TRPM3: variants seen among roughly 807,000 people sequenced by gnomAD.
The protein encoded by TRPM3 is transient receptor potential cation channel subfamily M member 3, also known as long transient receptor potential channel 3.
Under a neutral mutation model 181.2 loss-of-function variants are expected in TRPM3, and 77 were observed. The observed-to-expected ratio is 0.42, with a 90% CI of 0.35 to 0.51. The LOEUF is 0.51. TRPM3 is among the 20% of genes least tolerant of loss of function. TRPM3 has a pLI of 0.01. For synonymous variants in TRPM3, 745 were observed against 796.4 expected, an observed-to-expected ratio of 0.94 and a Z score of 1.09; for missense variants, 1,759 against 2,196.7, an observed-to-expected ratio of 0.80 and a Z score of 3.98.
rs187381279 is a variant in TRPM3 at position 70,798,483 on chromosome 9, C to G, written c.974-14204G>C. Among the ~76,000 whole-genome samples, 198 of 152,240 alleles carry G rather than the reference C, an allele frequency of 1.3e-3. 1 individual carries two copies. The highest frequency in any genetic ancestry group is 4.6e-3 in the African/African-American group (190 of 41,536). ...TATTAATTATTCATTACTTTATGATCCCATTTTTTTAAAAGAATGTCTTTT... is the reference window on the plus strand; with the variant it reads ...TATTAATTATTCATTACTTTATGATGCCATTTTTTTAAAAGAATGTCTTTT... On this transcript the variant is annotated intron_variant, in intron 6 of 25. Transcript: ENST00000677713.
intron 1 of TRPM3, among the ~76,000 whole-genome samples, chr9:71,023,429 T>C (rs1347065893): frequency 6.6e-6 from 1 of 152,188 alleles, no homozygotes; most frequent in Non-Finnish European, 1.5e-5. Flanking sequence ...TTTGTCAATG[T>C]CTCATAGAAC....
intron 1 of TRPM3, among the ~76,000 whole-genome samples, chr9:71,250,136 A>G (rs1205724199): frequency 6.6e-6 from 1 of 152,226 alleles, no homozygotes; most frequent in Non-Finnish European, 1.5e-5. Flanking sequence ...AATTCTACAT[A>G]GGAGGGGAAG....
intron 1 of TRPM3, among the ~76,000 whole-genome samples, chr9:71,279,751 G>C (rs1252050586): frequency 1.3e-5 from 2 of 152,144 alleles, no homozygotes; most frequent in East Asian, 3.9e-4. Flanking sequence ...GCTGACTGAT[G>C]TTTTTTCAAA....
At chr9:70,926,236 A>T (rs1280691697) in intron 1 of TRPM3, among the ~76,000 whole-genome samples, 2 of 152,140 alleles carry the variant, frequency 1.3e-5, no homozygotes, top group African/African-American at 4.8e-5. Flanking sequence ...CTGAGCTTGG[A>T]GGCTTGTGTG....
chr9:70,617,258 C>T (rs567746454), intron 17 of TRPM3, among the ~76,000 whole-genome samples: 258 of 152,256 alleles, frequency 1.7e-3, no homozygotes, highest in Non-Finnish European at 2.9e-3. Context: ...TTCCTAAGGC[C>T]GGGCTTGGCG....
chr9:71,060,899 A>G (rs986494756), intron 1 of TRPM3, among the ~76,000 whole-genome samples: 2 of 152,116 alleles, frequency 1.3e-5, no homozygotes, highest in African/African-American at 4.8e-5. Context: ...ATATTAAAAT[A>G]TATTTAAAAC....
chr9:71,391,183 T>C (rs768392912), intron 1 of TRPM3, among the ~76,000 whole-genome samples: 4 of 152,008 alleles, frequency 2.6e-5, no homozygotes, highest in Non-Finnish European at 1.5e-5. Flanking sequence ...GTACTAGGCA[T>C]ATCCTTGAAA....
At chr9:70,868,928 T>A in intron 1 of TRPM3, 2 of 928,016 alleles carry the variant, frequency 2.2e-6, no homozygotes, top group Non-Finnish European at 2.6e-6. Flanking sequence ...TTCCTCTAGG[T>A]CCCCAGATCC....
At chr9:71,344,111 G>A (rs1174655476) in intron 1 of TRPM3, among the ~76,000 whole-genome samples, 1 of 152,120 alleles carries the variant, frequency 6.6e-6, no homozygotes, top group Non-Finnish European at 1.5e-5. Flanking sequence ...ACTGATGAAT[G>A]TGGAGTAGGT....
chr9:71,170,100 T>A (rs899222759), intron 1 of TRPM3, among the ~76,000 whole-genome samples: 3 of 150,496 alleles, frequency 2.0e-5, no homozygotes, highest in Non-Finnish European at 4.4e-5. Flanking sequence ...AGCTGCACAA[T>A]GGAAAATAAG....
intron 1 of TRPM3, among the ~76,000 whole-genome samples, chr9:71,029,757 G>A (rs1187616899): frequency 6.6e-6 from 1 of 152,110 alleles, no homozygotes; most frequent in East Asian, 1.9e-4. Flanking sequence ...CAAGTTTTTT[G>A]GGTCCTTATA....
chr9:71,372,036 T>C (rs2092532293), intron 1 of TRPM3, among the ~76,000 whole-genome samples: 1 of 152,152 alleles, frequency 6.6e-6, no homozygotes, highest in African/African-American at 2.4e-5. Flanking sequence ...TGTCCATGTG[T>C]TCCATCAATC....
At chr9:71,208,719 G>A (rs1487847266) in intron 1 of TRPM3, among the ~76,000 whole-genome samples, 1 of 152,096 alleles carries the variant, frequency 6.6e-6, no homozygotes, top group Non-Finnish European at 1.5e-5. Flanking sequence ...CACAAGAATG[G>A]TTCTCATGGC....
At chr9:70,619,701 C>T (rs370964475) in intron 16 of TRPM3, among the ~76,000 whole-genome samples, 62 of 152,200 alleles carry the variant, frequency 4.1e-4, no homozygotes, top group Admixed American at 6.5e-4. Context: ...AGGCACGAGT[C>T]ACTGCACCAG....
At chr9:70,622,984 C>T (rs566300972) in intron 14 of TRPM3, among the ~76,000 whole-genome samples, 1 of 151,808 alleles carries the variant, frequency 6.6e-6, no homozygotes, top group African/African-American at 2.4e-5. Context: ...TCAAACAAAT[C>T]CCTGTTGTTA....
intron 7 of TRPM3, among the ~76,000 whole-genome samples, chr9:70,763,559 C>G (rs1027517906): frequency 6.6e-6 from 1 of 152,150 alleles, no homozygotes; most frequent in African/African-American, 2.4e-5. Flanking sequence ...CAAATCCTCT[C>G]TTAAGATTAT....
In TRPM3 at chr9:70,625,171, G is replaced by A. The variant is rs1375796475; in HGVS notation, c.1809+20C>T. 2.5e-6 allele frequency: 4 copies of A among 1,613,458 alleles called. No individual in the cohort carries two copies. Among genetic ancestry groups the A allele is most frequent in the Non-Finnish European group, 3.4e-6 (4 of 1,179,734 alleles). On this transcript the variant is annotated intron_variant, in intron 14 of 25. Transcript: ENST00000677713. This position sits in a 1 kb window ranked among gnomAD's most constrained non-coding sequence, Gnocchi z 4.8. ...CCCTAGTCCTCCCAGGAAGGGCCCC[G>A]AATTTGCAGCCAGCCTCACCCTCTT...
chr9:70,927,291 G>T (rs1045768331), intron 1 of TRPM3, among the ~76,000 whole-genome samples: 1 of 152,118 alleles, frequency 6.6e-6, no homozygotes, highest in Non-Finnish European at 1.5e-5. Context: ...ACACTTTCAT[G>T]TTCTGGACAT....
chr9:70,608,871 G>T (rs752689800), intron 19 of TRPM3, among the ~76,000 whole-genome samples: 6 of 152,138 alleles, frequency 3.9e-5, no homozygotes, highest in Non-Finnish European at 8.8e-5. Context: ...TGATAAAATA[G>T]TTGTTAGGAT....
Sources: gnomAD v4.1 joint callset for allele counts (sites outside exome capture counted in the v4.1 genomes callset) on GRCh38, gnomAD v4.1.1 for gene constraint, Gnocchi (gnomAD v3.1) non-coding constraint, MANE v1.5 for transcripts, NCBI Gene and HGNC (gene_info 2026-07-23, HGNC 2026-07-21) for gene names.